The following QKI variants were observed in gnomAD, a reference collection of about 807,000 sequenced individuals.
The protein encoded by QKI is QKI, KH domain containing RNA binding, also known as KH domain-containing RNA-binding protein QKI.
QKI carries 10 observed loss-of-function variants against 39.0 expected under a neutral mutation model. The ratio of observed to expected loss-of-function variants is 0.26; its 90% confidence interval spans 0.16 to 0.43. The LOEUF (loss-of-function observed/expected upper bound fraction) is 0.43, where lower values mean the gene tolerates loss of function less well. Ranked by LOEUF, QKI falls within the 20% of genes least tolerant of loss-of-function variation. The pLI, the probability that QKI is intolerant of heterozygous loss-of-function variation, is 1.00. For synonymous variants in QKI, 204 were observed against 155.4 expected (o/e 1.31, Z -2.33); for missense variants, 218 against 428.0 (o/e 0.51, Z 4.33).
At chr6:163,489,281 G>A (rs1191007433) in intron 3 of QKI, among the ~76,000 whole-genome samples, 1 of 151,690 alleles carries the variant, frequency 6.6e-6, no homozygotes, top group Non-Finnish European at 1.5e-5. Context: ...ATTAGTTAGT[G>A]CTAAATTCCT....
At chr6:163,493,211 A>G (rs1351947468) in intron 3 of QKI, among the ~76,000 whole-genome samples, 2 of 151,748 alleles carry the variant, frequency 1.3e-5, no homozygotes, top group East Asian at 1.9e-4. Flanking sequence ...GCCCACTGCA[A>G]CCTTCACCTC....
rs553263098 is a variant in QKI, at chr6:163,551,851, T to C, written c.547-10131T>C. Among the ~76,000 whole-genome samples the C allele has an allele frequency of 2.0e-5, 3 of 152,320 alleles. No individual in the cohort carries two copies. In the East Asian group the frequency reaches 5.8e-4, roughly 29 times the overall value. ...TGAATTAACAATTTAATCACATATC[T>C]TCATGGGTAAGTTTAATACTCACAG... is the stretch of plus-strand genomic sequence containing the variant. On this transcript the variant is annotated intron_variant, in intron 4 of 7. Transcript: ENST00000361752.
intron 2 of QKI, among the ~76,000 whole-genome samples, chr6:163,471,504 T>G (rs1163575483): frequency 6.6e-6 from 1 of 152,118 alleles, no homozygotes; most frequent in Non-Finnish European, 1.5e-5. Context: ...AACAAAGGCA[T>G]ATAAACTGGA....
chr6:163,533,874 A>G (rs1781031264), intron 3 of QKI, among the ~76,000 whole-genome samples: 1 of 152,178 alleles, frequency 6.6e-6, no homozygotes, highest in Non-Finnish European at 1.5e-5. Flanking sequence ...ATTTACTGTT[A>G]AAATTTATTT....
At chr6:163,461,546 C>G (rs1251975708) in intron 2 of QKI, among the ~76,000 whole-genome samples, 1 of 152,148 alleles carries the variant, frequency 6.6e-6, no homozygotes. Context: ...AGGATCTACT[C>G]TGTTAAAATT....
intron 2 of QKI, among the ~76,000 whole-genome samples, chr6:163,465,873 CA>C (rs1791702223): frequency 6.6e-6 from 1 of 151,678 alleles, no homozygotes; most frequent in Non-Finnish European, 1.5e-5. Flanking sequence ...CCTGTAATCC[CA>C]GAACTTTGGG....
chr6:163,453,401 T>C (rs546977100), intron 1 of QKI, among the ~76,000 whole-genome samples: 125 of 152,196 alleles, frequency 8.2e-4, no homozygotes, highest in African/African-American at 2.8e-3. Context: ...GAAGAAGATA[T>C]TTAAATAATA....
At chr6:163,483,423 T>C (rs1408300725) in intron 3 of QKI, among the ~76,000 whole-genome samples, 1 of 152,336 alleles carries the variant, frequency 6.6e-6, no homozygotes, top group East Asian at 1.9e-4. Context: ...CATGCAGTGC[T>C]TTTTGATAGC....
At chr6:163,525,987 A>C (rs1159300378) in intron 3 of QKI, among the ~76,000 whole-genome samples, 1 of 152,196 alleles carries the variant, frequency 6.6e-6, no homozygotes, top group African/African-American at 2.4e-5. Flanking sequence ...GATATTGACC[A>C]CACTAACTTT....
chr6:163,431,626 A>G (rs1788836599), intron 1 of QKI, among the ~76,000 whole-genome samples: 1 of 152,116 alleles, frequency 6.6e-6, no homozygotes, highest in African/African-American at 2.4e-5. Context: ...GAGATCTGTC[A>G]GTAACACCGG....
chr6:163,496,672 A>T (rs1257968053), intron 3 of QKI, among the ~76,000 whole-genome samples: 3 of 151,680 alleles, frequency 2.0e-5, no homozygotes, highest in African/African-American at 7.3e-5. Context: ...AGAGTTTTCT[A>T]CTCTTTGCCT....
chr6:163,566,735 A>G lies in QKI; in HGVS notation c.949A>G (p.Lys317Glu). 6.2e-7 allele frequency: 1 copy of G among 1,613,756 alleles called. No homozygotes were observed. The highest frequency in any genetic ancestry group is 8.5e-7 in the Non-Finnish European group (1 of 1,179,830). ...PSGVLGAVAT[K>E]VRRHDMRVHP... is the part of the protein sequence containing the mutation. ...AATTTAACTAGGTGCGGTGGCTACT[A>G]AAGTTCGAAGGCACGATATGCGTGT... Residue 317 changes from lysine (K) to glutamate (E), a missense_variant, in exon 7 of 8, where the codon AAA (lysine) becomes GAA (glutamate). By Grantham distance (56) the Lys-to-Glu change is moderately conservative. This residue lies in a region of QKI where 117 missense variants were observed against 186.0 expected (regional missense o/e 0.63). Coordinates refer to ENST00000361752, the MANE Select transcript of QKI (RefSeq NM_006775.3).
At chr6:163,552,206 CTTTT>C (rs35060699) in intron 4 of QKI, among the ~76,000 whole-genome samples, 1 of 101,766 alleles carries the variant, frequency 9.8e-6, no homozygotes, top group African/African-American at 3.8e-5. Context: ...TTCGTTCGTT[CTTTT>C]TTTTTTTTTT....
intron 3 of QKI, among the ~76,000 whole-genome samples, chr6:163,505,619 G>A (rs1189916810): frequency 6.6e-6 from 1 of 151,988 alleles, no homozygotes; most frequent in East Asian, 1.9e-4. Flanking sequence ...CCTTTGTTTT[G>A]GCCAATTTCT....
chr6:163,450,320 A>G (rs1044579596), intron 1 of QKI, among the ~76,000 whole-genome samples: 4 of 152,132 alleles, frequency 2.6e-5, no homozygotes, highest in Non-Finnish European at 5.9e-5. Flanking sequence ...GGCCTCCCAA[A>G]TTGTTGGGAT....
chr6:163,521,127 A>G (rs562743267), intron 3 of QKI, among the ~76,000 whole-genome samples: 2 of 152,178 alleles, frequency 1.3e-5, no homozygotes, highest in South Asian at 2.1e-4. Context: ...AAGCATTTGT[A>G]CCATCTAGTA....
intron 3 of QKI, among the ~76,000 whole-genome samples, chr6:163,503,688 C>T (rs1276775196): frequency 6.6e-6 from 1 of 152,014 alleles, no homozygotes; most frequent in Non-Finnish European, 1.5e-5. Context: ...TTCTAGGATT[C>T]TTACAGTTTG....
chr6:163,441,359 C>A (rs1789750195), intron 1 of QKI, among the ~76,000 whole-genome samples: 2 of 152,114 alleles, frequency 1.3e-5, no homozygotes, highest in East Asian at 1.9e-4. Context: ...AATTGTCAAG[C>A]AGATGCCATA....
chr6:163,539,317 T>G (rs1056642752), intron 4 of QKI, among the ~76,000 whole-genome samples: 2 of 151,930 alleles, frequency 1.3e-5, no homozygotes, highest in African/African-American at 4.8e-5. Flanking sequence ...GTCAATTTGT[T>G]TTTTTTGGAA....
Sources: gnomAD v4.1 joint callset for allele counts (sites outside exome capture counted in the v4.1 genomes callset) on GRCh38, gnomAD v4.1.1 for gene constraint, gnomAD v4.1.1 regional missense constraint, MANE v1.5 for transcripts, NCBI Gene and HGNC (gene_info 2026-07-23, HGNC 2026-07-21) for gene names.